ASIC2: variants seen among roughly 807,000 people sequenced by gnomAD.
The protein encoded by ASIC2 is acid sensing ion channel subunit 2, also known as acid-sensing ion channel 2.
Under a neutral mutation model 57.3 loss-of-function variants are expected in ASIC2, and 25 were observed. The observed-to-expected ratio is 0.44, with a 90% CI of 0.32 to 0.61. The LOEUF is 0.61. ASIC2 is among the 20% of genes least tolerant of loss of function. The probability of loss-of-function intolerance (pLI) is 0.06; values close to 1 mark genes in which losing one functional copy is unlikely to be tolerated. For missense variants in ASIC2, 641 were observed against 738.1 expected, an observed-to-expected ratio of 0.87 and a Z score of 1.52; for synonymous variants, 319 against 307.5, an observed-to-expected ratio of 1.04 and a Z score of -0.39.
intron 1 of ASIC2, among the ~76,000 whole-genome samples, chr17:33,830,024 A>G (rs1913055613): frequency 6.6e-6 from 1 of 152,228 alleles, no homozygotes; most frequent in Non-Finnish European, 1.5e-5. Flanking sequence ...TTATGCTTGC[A>G]TGTGTTCAAC....
At chr17:33,253,973 G>T (rs955535905) in intron 1 of ASIC2, among the ~76,000 whole-genome samples, 2 of 152,150 alleles carry the variant, frequency 1.3e-5, no homozygotes, top group Non-Finnish European at 2.9e-5. Context: ...TGTTTCCTCT[G>T]AATATTTTTT....
chr17:33,263,017 C>T (rs887543388), intron 1 of ASIC2, among the ~76,000 whole-genome samples: 2 of 152,120 alleles, frequency 1.3e-5, no homozygotes, highest in Admixed American at 6.5e-5. Flanking sequence ...ATGTTTGCTC[C>T]GTAAATGAGC....
At chr17:33,727,816 A>C (rs113840054) in intron 1 of ASIC2, among the ~76,000 whole-genome samples, 2,673 of 152,290 alleles carry the variant, frequency 0.018, 76 homozygotes, top group African/African-American at 0.06. Context: ...GCTAATTGAC[A>C]GGGGCTTTCT....
Position 33,610,054 on chromosome 17 carries a change from G to GCGCATGCACA in ASIC2, c.556-497988_556-497987insTGTGCATGCG, listed in dbSNP as rs375575593. Among the ~76,000 whole-genome samples, 1,288 of 144,832 alleles carry GCGCATGCACA rather than the reference G, an allele frequency of 8.9e-3. 4 individuals are homozygous for GCGCATGCACA. Among genetic ancestry groups the GCGCATGCACA allele is most frequent in the Non-Finnish European group, 0.014 (930 of 66,340 alleles). On this transcript the variant is annotated intron_variant, in intron 1 of 9. Coordinates refer to the ASIC2 transcript ENST00000359872. ...CTTCACTGGGACCCTGGACAGAGGCGCACACACACACACACACACACACAC... is the reference window on the plus strand; with the variant it reads ...CTTCACTGGGACCCTGGACAGAGGCGCGCATGCACACACACACACACACACACACACACAC...
chr17:33,058,434 A>G (rs1383714245), intron 3 of ASIC2, among the ~76,000 whole-genome samples: 1 of 145,228 alleles, frequency 6.9e-6, no homozygotes, highest in East Asian at 2.0e-4. Context: ...TCTACATGCA[A>G]TTTTCTACCA....
chr17:33,593,543 C>T (rs1567663619), intron 1 of ASIC2, among the ~76,000 whole-genome samples: 1 of 152,154 alleles, frequency 6.6e-6, no homozygotes, highest in Non-Finnish European at 1.5e-5. Context: ...CTCAGCTTTG[C>T]CTCTTGGTCA....
At chr17:33,196,821 A>G (rs1474096916) in intron 1 of ASIC2, among the ~76,000 whole-genome samples, 1 of 152,184 alleles carries the variant, frequency 6.6e-6, no homozygotes, top group Middle Eastern at 3.2e-3. Context: ...GCTAATTGGA[A>G]CTCGCTGACA....
chr17:33,728,839 T>A (rs568286814), intron 1 of ASIC2, among the ~76,000 whole-genome samples: 1 of 152,220 alleles, frequency 6.6e-6, no homozygotes, highest in East Asian at 1.9e-4. Flanking sequence ...AGCATCCGTA[T>A]CTACAGAGGA....
Position 34,088,130 on chromosome 17 carries a change from T to A in ASIC2, c.555+67848A>T, listed in dbSNP as rs553785587. Among the ~76,000 whole-genome samples, 7 of 152,360 alleles carry A rather than the reference T, an allele frequency of 4.6e-5. No homozygotes were observed. The South Asian group carries it at 1.4e-3, about 32-fold the overall frequency. ...GGAGAGGCGCTCTGATTTTTAGAGT[T>A]TCCAGTTTTTCTGCTCTGTATTTTT... On this transcript the variant is annotated intron_variant, in intron 1 of 9. Coordinates refer to the ASIC2 transcript ENST00000359872.
intron 1 of ASIC2, among the ~76,000 whole-genome samples, chr17:33,815,455 A>C (rs1039216356): frequency 1.3e-5 from 2 of 152,144 alleles, no homozygotes; most frequent in African/African-American, 4.8e-5. Flanking sequence ...GTCCACACTC[A>C]CCCATATTTC....
rs1394590594 is a variant in ASIC2, at chr17:33,464,461, TTCTTTCTTTCTTTCTTTTCTC to T, written c.556-352415_556-352395del. On this transcript the variant is annotated intron_variant, in intron 1 of 9. Coordinates refer to the ASIC2 transcript ENST00000359872. ...ATTCTACACATGCCTCTTTTTCTCT[TTCTTTCTTTCTTTCTTTTCTC>T]TCTTTCTTTCTTTCTTTCTTTCTTT... is the stretch of plus-strand genomic sequence containing the variant. Among the ~76,000 whole-genome samples the T allele has an allele frequency of 7.4e-3, 605 of 81,316 alleles. 46 individuals carry two copies. The highest frequency in any genetic ancestry group is 0.02 in the African/African-American group (327 of 16,046). The allele number at this position is 81,316 out of a possible 152,430, so 53.3% of individuals were successfully genotyped here. A position where few individuals can be genotyped will look rare whatever the true frequency, so the allele number is the denominator to read the frequency against.
chr17:33,561,039 C>A (rs753903554), intron 1 of ASIC2, among the ~76,000 whole-genome samples: 7 of 152,058 alleles, frequency 4.6e-5, no homozygotes, highest in African/African-American at 1.7e-4. Flanking sequence ...AGAGGTCAAG[C>A]CTTTCTGTTT....
chr17:33,279,054 A>G (rs1278839793), intron 1 of ASIC2, among the ~76,000 whole-genome samples: 1 of 152,240 alleles, frequency 6.6e-6, no homozygotes, highest in East Asian at 1.9e-4. Context: ...TATATGGAAG[A>G]GTGGCCTGAG....
chr17:33,796,887 T>C (rs1428052773), intron 1 of ASIC2, among the ~76,000 whole-genome samples: 1 of 152,184 alleles, frequency 6.6e-6, no homozygotes, highest in African/African-American at 2.4e-5. Context: ...ATCTATTGAG[T>C]CTCAGTTTCC....
intron 1 of ASIC2, among the ~76,000 whole-genome samples, chr17:34,100,724 C>T (rs1023442527): frequency 6.6e-6 from 1 of 152,172 alleles, no homozygotes; most frequent in African/African-American, 2.4e-5. Flanking sequence ...TACTGCGTCT[C>T]CCTTCAACTT....
At chr17:33,123,619 GA>G (rs1408359529) in intron 1 of ASIC2, among the ~76,000 whole-genome samples, 5 of 152,136 alleles carry the variant, frequency 3.3e-5, no homozygotes, top group African/African-American at 1.2e-4. Flanking sequence ...ATCCCTTCTG[GA>G]ACGTTTCTTG....
chr17:33,973,360 C>A (rs902560), intron 1 of ASIC2, among the ~76,000 whole-genome samples: 1 of 152,174 alleles, frequency 6.6e-6, no homozygotes, highest in Non-Finnish European at 1.5e-5. Context: ...CAGGTGCAGG[C>A]GGAGGCAAGC....
intron 1 of ASIC2, among the ~76,000 whole-genome samples, chr17:34,016,290 G>C (rs986723173): frequency 4.6e-5 from 7 of 152,038 alleles, no homozygotes; most frequent in Non-Finnish European, 1.0e-4. Context: ...CAGGCGCGGT[G>C]GTGGGCACCT....
At chr17:34,138,736 C>A (rs1912190875) in intron 1 of ASIC2, among the ~76,000 whole-genome samples, 1 of 152,202 alleles carries the variant, frequency 6.6e-6, no homozygotes, top group South Asian at 2.1e-4. Flanking sequence ...TTGACTACGG[C>A]TGAGTGGAGT....
Sources: gnomAD v4.1 joint callset for allele counts (sites outside exome capture counted in the v4.1 genomes callset) on GRCh38, gnomAD v4.1.1 for gene constraint, MANE v1.5 for transcripts, NCBI Gene and HGNC (gene_info 2026-07-23, HGNC 2026-07-21) for gene names.